The following KLF13 variants were observed in gnomAD, a reference collection of about 807,000 sequenced individuals.
KLF13 encodes the protein KLF transcription factor 13.
Under a neutral mutation model 16.7 loss-of-function variants are expected in KLF13, and 8 were observed. The observed-to-expected ratio is 0.48, with a 90% CI of 0.28 to 0.87. The LOEUF (loss-of-function observed/expected upper bound fraction) is 0.87. KLF13 is among the 40% of genes least tolerant of loss of function. KLF13 has a pLI of 0.10. For synonymous variants in KLF13, 245 were observed against 208.4 expected, an observed-to-expected ratio of 1.18 and a Z score of -1.51; for missense variants, 447 against 452.2, an observed-to-expected ratio of 0.99 and a Z score of 0.10.
At chr15:31,405,406 G>C (rs1003110536), downstream of KLF13, among the ~76,000 whole-genome samples, 1 of 152,196 alleles carries the variant, frequency 6.6e-6, no homozygotes, top group African/African-American at 2.4e-5. Context: ...TGCGGTCTAC[G>C]AACCAGGAAG....
intron 1 of KLF13, among the ~76,000 whole-genome samples, chr15:31,424,533 A>G (rs573607801): frequency 1.3e-5 from 2 of 152,330 alleles, no homozygotes; most frequent in Admixed American, 1.3e-4. Context: ...CCACATGATC[A>G]TTTCAATTGA....
chr15:31,420,322 C>G, intron 1 of KLF13: 1 of 990,002 alleles, frequency 1.0e-6, no homozygotes. Flanking sequence ...GGGTAGGGAC[C>G]ATCCATGGAG....
At chr15:31,383,353 A>G (rs1053510726) in intron 1 of KLF13, among the ~76,000 whole-genome samples, 5 of 152,190 alleles carry the variant, frequency 3.3e-5, no homozygotes, top group Non-Finnish European at 7.3e-5. Context: ...TTGTACATGA[A>G]CCTTCCACTT....
downstream of KLF13, among the ~76,000 whole-genome samples, chr15:31,408,983 C>G (rs1330834736): frequency 6.6e-6 from 1 of 152,106 alleles, no homozygotes; most frequent in African/African-American, 2.4e-5. Context: ...GAACAACAAA[C>G]AGTTTTAAAA....
At chr15:31,411,034 T>C (rs2040187613) in intron 1 of KLF13, among the ~76,000 whole-genome samples, 1 of 152,218 alleles carries the variant, frequency 6.6e-6, no homozygotes, top group African/African-American at 2.4e-5. Context: ...GTTAAAAGCT[T>C]TCTATATAGA....
chr15:31,340,985 C>T (rs2039013216), intron 1 of KLF13, among the ~76,000 whole-genome samples: 1 of 152,186 alleles, frequency 6.6e-6, no homozygotes, highest in Non-Finnish European at 1.5e-5. Flanking sequence ...CGCCCCTGTG[C>T]CCTGTGTTCA....
intron 1 of KLF13, among the ~76,000 whole-genome samples, chr15:31,345,408 C>A (rs1220304074): frequency 6.6e-6 from 1 of 152,208 alleles, no homozygotes; most frequent in African/African-American, 2.4e-5. Context: ...CTGCCTTTGC[C>A]CTGCTGCACC....
At position 31,327,753 on chromosome 15, in the gene KLF13, T is replaced by A. The variant is rs1319426095; in HGVS notation, c.541T>A (p.Ser181Thr). The change falls in exon 1 of 2, where the codon TCT (serine) becomes ACT (threonine). Residue 181 changes from serine (S) to threonine (T), a missense_variant. Coordinates refer to ENST00000307145, the MANE Select transcript of KLF13 (RefSeq NM_015995.4). ...GGGCTGCGAGAAAGTTTACGGGAAA[T>A]CTTCGCACCTCAAGGCGCACCTGAG... Reference protein sequence around the residue: ...YAGCEKVYGKSSHLKAHLRTH... With the variant: ...YAGCEKVYGKTSHLKAHLRTH... 2.0e-6 allele frequency: 3 copies of A among 1,532,608 alleles called. No individual in the cohort carries two copies. The highest frequency in any genetic ancestry group is 2.6e-6 in the Non-Finnish European group (3 of 1,135,412). 94.9% of individuals were successfully genotyped at this position (1,532,608 alleles called of 1,614,324 possible).
chr15:31,431,472 A>T (rs529549066), intron 1 of KLF13, among the ~76,000 whole-genome samples: 3 of 148,750 alleles, frequency 2.0e-5, no homozygotes, highest in Admixed American at 6.7e-5. Context: ...ACATGGTTAA[A>T]TTTTTTTTTT....
chr15:31,405,421 CTT>C (rs2040113020), downstream of KLF13, among the ~76,000 whole-genome samples: 2 of 152,256 alleles, frequency 1.3e-5, no homozygotes, highest in Non-Finnish European at 2.9e-5. Context: ...AGGAAGAGGC[CTT>C]CACCAGTCAC....
intron 1 of KLF13, among the ~76,000 whole-genome samples, chr15:31,366,856 G>A (rs942994701): frequency 1.1e-4 from 16 of 144,828 alleles, no homozygotes; most frequent in African/African-American, 4.1e-4. Context: ...ACCCTTCAGA[G>A]GGGCCATGAG....
rs71110875 is a variant in KLF13, at chr15:31,424,875, T to TCACACACACACACACACACACA, written n.118-10486_118-10465dup. ...TTATATGTAGAAAATTCTAGAGATT[T>TCACACACACACACACACACACA]CACACACACACACACACACACACAC... is the stretch of plus-strand genomic sequence containing the variant. On this transcript the variant is annotated intron_variant and non_coding_transcript_variant, in intron 1 of 1. Coordinates refer to the KLF13 transcript ENST00000558225. 4.4e-3 allele frequency among the ~76,000 whole-genome samples: 646 copies of TCACACACACACACACACACACA among 146,292 alleles called. 8 individuals carry two copies. Among genetic ancestry groups the TCACACACACACACACACACACA allele is most frequent in the African/African-American group, 0.016 (620 of 39,216 alleles).
At chr15:31,433,409 A>C (rs1178039506) in intron 1 of KLF13, among the ~76,000 whole-genome samples, 1 of 152,150 alleles carries the variant, frequency 6.6e-6, no homozygotes, top group African/African-American at 2.4e-5. Context: ...CTCTCTGTTT[A>C]GGTCCTCTGT....
intron 1 of KLF13, among the ~76,000 whole-genome samples, chr15:31,343,035 T>A (rs2039054970): frequency 6.6e-6 from 1 of 152,230 alleles, no homozygotes; most frequent in African/African-American, 2.4e-5. Flanking sequence ...CTCCTGGCCA[T>A]GGAGTTTCCG....
At chr15:31,433,339 A>T (rs901830122) in intron 1 of KLF13, among the ~76,000 whole-genome samples, 1 of 152,074 alleles carries the variant, frequency 6.6e-6, no homozygotes, top group African/African-American at 2.4e-5. Flanking sequence ...TTCTCCACAC[A>T]CATGAGGTGA....
chr15:31,394,688 A>G (rs2039931189), intron 2 of KLF13, among the ~76,000 whole-genome samples: 1 of 152,200 alleles, frequency 6.6e-6, no homozygotes, highest in Non-Finnish European at 1.5e-5. Context: ...TAATTCACCC[A>G]TTTACTGTAT....
rs996116005 is a variant in KLF13, at chr15:31,373,717, A to G, written c.*1418A>G. ...TCGAGCCCTGGGCGGGGGTCAGTCA[A>G]GCCGTGGTCCAGCAAACTCCTCTGC... On this transcript the variant is annotated 3_prime_UTR_variant, in exon 2 of 2. Transcript: ENST00000307145. 1.3e-5 allele frequency: 2 copies of G among 152,212 alleles called. No homozygotes were observed. Among genetic ancestry groups the G allele is most frequent in the East Asian group, 1.9e-4 (1 of 5,188 alleles). 9.4% of individuals were successfully genotyped at this position (152,212 alleles called of 1,614,324 possible).
chr15:31,379,101 T>G (rs1195736553), downstream of KLF13, among the ~76,000 whole-genome samples: 6 of 152,168 alleles, frequency 3.9e-5, no homozygotes, highest in African/African-American at 1.4e-4. Context: ...CGCAGTTGAT[T>G]AGACATGGTT....
chr15:31,375,563 G>C lies in KLF13; in HGVS notation c.*3264G>C, dbSNP rs1373750727. ...AGTGAAGGTTGCCTGAGTGAAGGGA[G>C]AGTTCCCCTATAAAAGGCCTAAAAT... On this transcript the variant is annotated 3_prime_UTR_variant, in exon 2 of 2. Coordinates refer to ENST00000307145, the MANE Select transcript of KLF13 (RefSeq NM_015995.4). The C allele has an allele frequency of 6.6e-6, 1 of 152,122 alleles. No individual in the cohort carries two copies. Among genetic ancestry groups the C allele is most frequent in the African/African-American group, 2.4e-5 (1 of 41,408 alleles). 9.4% of individuals were successfully genotyped at this position (152,122 alleles called of 1,614,324 possible).
Sources: gnomAD v4.1 joint callset for allele counts (sites outside exome capture counted in the v4.1 genomes callset) on GRCh38, gnomAD v4.1.1 for gene constraint, MANE v1.5 for transcripts, NCBI Gene and HGNC (gene_info 2026-07-23, HGNC 2026-07-21) for gene names.